ARRDC5: variants seen among roughly 807,000 people sequenced by gnomAD.
ARRDC5 encodes arrestin domain-containing protein 5.
ARRDC5 carries 12 observed loss-of-function variants against 13.3 expected under a neutral mutation model. That is an observed-to-expected ratio of 0.90 (90% CI 0.58 to 1.46). The LOEUF (loss-of-function observed/expected upper bound fraction) is 1.46. Among genes scored for constraint, ARRDC5 ranks in the 40% most tolerant of loss-of-function variants. The pLI, the probability that ARRDC5 is intolerant of heterozygous loss-of-function variation, is 0.00. For synonymous variants in ARRDC5, 181 were observed against 173.4 expected (o/e 1.04, Z -0.34); for missense variants, 406 against 418.7 (o/e 0.97, Z 0.26).
chr19:4,891,716 G>C, intron 2 of ARRDC5, 143 bp from the exon 3 acceptor site: 6 of 710,892 alleles, frequency 8.4e-6, no homozygotes, highest in Admixed American at 5.9e-5. Context: ...CAACACCTTG[G>C]GAGGCCGAGG....
chr19:4,905,718 G>A (rs540032823), upstream of ARRDC5, among the ~76,000 whole-genome samples: 6 of 151,860 alleles, frequency 4.0e-5, no homozygotes, highest in Admixed American at 6.6e-5. Context: ...GGGTTTCACC[G>A]TGTTAGCCAG....
intron 1 of ARRDC5, among the ~76,000 whole-genome samples, chr19:4,898,772 G>A (rs575569707): frequency 4.0e-5 from 6 of 151,236 alleles, no homozygotes; most frequent in Admixed American, 6.6e-5. Context: ...GACTACAGGC[G>A]CGTGTCACCA....
intron 1 of ARRDC5, among the ~76,000 whole-genome samples, chr19:4,900,721 T>A (rs963092654): frequency 6.6e-6 from 1 of 152,134 alleles, no homozygotes; most frequent in African/African-American, 2.4e-5. Flanking sequence ...CTCATCTAAA[T>A]TTTTAAAGTC....
At chr19:4,898,906 G>A (rs1286669193) in intron 1 of ARRDC5, among the ~76,000 whole-genome samples, 2 of 151,816 alleles carry the variant, frequency 1.3e-5, no homozygotes, top group East Asian at 1.9e-4. Context: ...GACTACAGGC[G>A]TGAGCCACCG....
chr19:4,901,937 C>T (rs572631128), intron 1 of ARRDC5, among the ~76,000 whole-genome samples: 3 of 152,070 alleles, frequency 2.0e-5, no homozygotes, highest in East Asian at 1.9e-4. Context: ...CCCAGGCTGG[C>T]GTGCTGTGGT....
chr19:4,901,822 C>A (rs1207445483), intron 1 of ARRDC5, among the ~76,000 whole-genome samples: 1 of 152,048 alleles, frequency 6.6e-6, no homozygotes, highest in African/African-American at 2.4e-5. Context: ...GATTTCAGAT[C>A]TGACCTGGTG....
At chr19:4,895,887 C>T (rs1051060989) in intron 2 of ARRDC5, among the ~76,000 whole-genome samples, 4 of 152,246 alleles carry the variant, frequency 2.6e-5, no homozygotes, top group African/African-American at 9.6e-5. Flanking sequence ...TGGCCTCCAC[C>T]CACTCCATGC....
upstream of ARRDC5, among the ~76,000 whole-genome samples, chr19:4,905,237 C>A (rs1051679019): frequency 6.6e-6 from 1 of 150,406 alleles, no homozygotes; most frequent in African/African-American, 2.4e-5. Context: ...CTGCCTCAGC[C>A]TCCCGAGTAG....
upstream of ARRDC5, among the ~76,000 whole-genome samples, chr19:4,907,273 C>G (rs2032083502): frequency 1.3e-5 from 2 of 151,998 alleles, no homozygotes; most frequent in South Asian, 4.1e-4. Flanking sequence ...CCCTGCCCAG[C>G]TAATTTTTTT....
Position 4,896,661 on chromosome 19 carries a change from C to A in ARRDC5, c.459+10G>T. 1 of 1,602,230 alleles carries A rather than the reference C, an allele frequency of 6.2e-7. No homozygotes were observed. The highest frequency in any genetic ancestry group is 1.1e-5 in the South Asian group (1 of 90,716). On this transcript the variant is annotated intron_variant, in intron 2 of 2. Transcript: ENST00000650722. ...GATTGTTCCCACCTCCACCTTTCCC[C>A]CATCGGTACCTGGAATGGGGTTTCT...
chr19:4,892,931 C>T (rs1282579566), intron 2 of ARRDC5, among the ~76,000 whole-genome samples: 6 of 150,666 alleles, frequency 4.0e-5, no homozygotes, highest in Non-Finnish European at 7.4e-5. Flanking sequence ...GGTGAAACCC[C>T]GTCTCTACTA....
chr19:4,907,263 C>T (rs2032083156), upstream of ARRDC5, among the ~76,000 whole-genome samples: 1 of 152,106 alleles, frequency 6.6e-6, no homozygotes, highest in South Asian at 2.1e-4. Context: ...GCACACACCA[C>T]CCTGCCCAGC....
In ARRDC5 at chr19:4,891,419, AT is replaced by A. The variant is rs2031505117; in HGVS notation, c.613del (p.Ile205SerfsTer33). The A allele has an allele frequency of 6.2e-7, 1 of 1,613,258 alleles. No homozygotes were observed. Among genetic ancestry groups the A allele is most frequent in the African/African-American group, 1.3e-5 (1 of 74,922 alleles). ...ATACAGGGCGAATACGACCGTCTTG[AT>A]GCATTTGCTGGTCTGGTTGTTGATC... The part of the protein sequence containing the change: ...TEINNQTSKC[I>X]KTVVFALYAH... On this transcript the variant is annotated frameshift_variant, in exon 3 of 3. Transcript: ENST00000650722. LOFTEE classifies it low-confidence loss of function (END_TRUNC).
upstream of ARRDC5, chr19:4,903,030 T>A: frequency 4.3e-6 from 1 of 233,536 alleles, no homozygotes; most frequent in Non-Finnish European, 6.7e-6. Flanking sequence ...TCACTGGTTC[T>A]TTTTTTTTTT....
chr19:4,895,422 C>CAAAAAAAAAAAAAAAAA (rs1039157516), intron 2 of ARRDC5, among the ~76,000 whole-genome samples: 2 of 70,712 alleles, frequency 2.8e-5, no homozygotes, highest in African/African-American at 4.8e-5. Flanking sequence ...GACTCCGTCT[C>CAAAAAAAAAAAAAAAAA]AAAAAAAAAA....
intron 2 of ARRDC5, among the ~76,000 whole-genome samples, chr19:4,895,284 G>A (rs758837209): frequency 6.6e-6 from 1 of 151,578 alleles, no homozygotes; most frequent in Non-Finnish European, 1.5e-5. Context: ...TTAGCTGGGC[G>A]TGGTGGTGGG....
At chr19:4,908,364 G>A in the ARRDC5 span, among the ~76,000 whole-genome samples, 1 of 152,122 alleles carries the variant, frequency 6.6e-6, no homozygotes, top group Admixed American at 6.6e-5. Flanking sequence ...AAAAAGCTAA[G>A]TGGGAACTCA....
At chr19:4,905,108 CTTTTTTTTTTT>C (rs61443004), upstream of ARRDC5, among the ~76,000 whole-genome samples, 5 of 95,182 alleles carry the variant, frequency 5.3e-5, no homozygotes, top group African/African-American at 1.0e-4. Context: ...CGTAAACTTT[CTTTTTTTTTTT>C]TTTTTTTTTT....
At chr19:4,911,074 G>C in the ARRDC5 span, 4 of 1,488,536 alleles carry the variant, frequency 2.7e-6, no homozygotes, top group Non-Finnish European at 3.6e-6. Context: ...TCTATGCCTG[G>C]TCCAGGCCTC....
Sources: gnomAD v4.1 joint callset for allele counts (sites outside exome capture counted in the v4.1 genomes callset) on GRCh38, gnomAD v4.1.1 for gene constraint, MANE v1.5 for transcripts, NCBI Gene and HGNC (gene_info 2026-07-23, HGNC 2026-07-21) for gene names.